Variants in PIK3C2G observed in about 807,000 individuals in gnomAD.
PIK3C2G encodes phosphatidylinositol 3-kinase C2 domain-containing subunit gamma.
A neutral mutation model predicts 181.1 loss-of-function variants in PIK3C2G; 168 were observed. The observed-to-expected ratio is 0.93, with a 90% CI of 0.82 to 1.05. The LOEUF (loss-of-function observed/expected upper bound fraction) is 1.05. Among genes scored for constraint, PIK3C2G ranks in the 50% least tolerant of loss-of-function variants. The pLI, the probability that PIK3C2G is intolerant of heterozygous loss-of-function variation, is 0.00. For missense variants in PIK3C2G, 1,869 were observed against 1,732.8 expected (o/e 1.08, Z -1.40); for synonymous variants, 573 against 592.2 (o/e 0.97, Z 0.47).
At chr12:18,696,084 T>A in the PIK3C2G span, 1 of 903,896 alleles carries the variant, frequency 1.1e-6, no homozygotes, top group Non-Finnish European at 1.7e-6. Flanking sequence ...GAGTTTTTCA[T>A]ACATTCATAA....
At chr12:18,710,240 T>C in the PIK3C2G span, among the ~76,000 whole-genome samples, 2 of 149,736 alleles carry the variant, frequency 1.3e-5, no homozygotes, top group African/African-American at 5.0e-5. Context: ...TGCAAGGCCT[T>C]TGAATTTTAA....
chr12:18,606,229 G>T (rs1238596483), intron 30 of PIK3C2G, among the ~76,000 whole-genome samples: 1 of 152,022 alleles, frequency 6.6e-6, no homozygotes, highest in Non-Finnish European at 1.5e-5. Flanking sequence ...TACTATTTAG[G>T]CAGTCAATCA....
chr12:18,593,076 A>G (rs909861886), intron 29 of PIK3C2G, among the ~76,000 whole-genome samples: 1 of 151,772 alleles, frequency 6.6e-6, no homozygotes, highest in Non-Finnish European at 1.5e-5. Context: ...TCTTCTTCCT[A>G]TGTCTCTTCA....
intron 16 of PIK3C2G, among the ~76,000 whole-genome samples, chr12:18,408,849 T>A (rs1944693501): frequency 1.3e-5 from 2 of 152,114 alleles, no homozygotes; most frequent in Admixed American, 1.3e-4. Flanking sequence ...CATAATGAGA[T>A]ACCATCTCAG....
intron 13 of PIK3C2G, among the ~76,000 whole-genome samples, chr12:18,379,560 C>G (rs572747905): frequency 6.6e-6 from 1 of 152,326 alleles, no homozygotes; most frequent in African/African-American, 2.4e-5. Flanking sequence ...CACCCTGGCT[C>G]TCTTCCTAAG....
intron 30 of PIK3C2G, among the ~76,000 whole-genome samples, chr12:18,606,148 G>A (rs538270421): frequency 2.0e-4 from 30 of 152,200 alleles, no homozygotes; most frequent in Middle Eastern, 3.4e-3. Flanking sequence ...GGACACTTTA[G>A]TTACTAATCT....
At chr12:18,702,081 T>C in the PIK3C2G span, among the ~76,000 whole-genome samples, 1 of 152,146 alleles carries the variant, frequency 6.6e-6, no homozygotes, top group Non-Finnish European at 1.5e-5. Flanking sequence ...AGTATATATA[T>C]ATAAATACTT....
intron 29 of PIK3C2G, among the ~76,000 whole-genome samples, chr12:18,584,780 A>G (rs1946686158): frequency 6.6e-6 from 1 of 152,090 alleles, no homozygotes; most frequent in Non-Finnish European, 1.5e-5. Context: ...AAAATATTAA[A>G]AGGAGCTAGA....
Position 18,294,019 on chromosome 12 carries a change from A to T in PIK3C2G, c.1034+4A>T. 7.4e-7 allele frequency: 1 copy of T among 1,348,890 alleles called. No individual in the cohort carries two copies. The highest frequency in any genetic ancestry group is 1.1e-6 in the Non-Finnish European group (1 of 945,400). 83.6% of individuals were successfully genotyped at this position (1,348,890 alleles called of 1,614,324 possible). A position where few individuals can be genotyped will look rare whatever the true frequency, so the allele number is the denominator to read the frequency against. ...GCTCTGAAGAATTTTTACAAAAGTA[A>T]GTATTTTATGAAATTTTGGTTGTAT... On this transcript the variant is annotated splice_donor_region_variant and intron_variant, in intron 5 of 32. Coordinates refer to ENST00000538779, the MANE Select transcript of PIK3C2G (RefSeq NM_001288772.2).
intron 6 of PIK3C2G, among the ~76,000 whole-genome samples, chr12:18,317,336 T>C (rs532894248): frequency 5.3e-5 from 8 of 152,220 alleles, no homozygotes; most frequent in East Asian, 1.9e-4. Context: ...TCAGGATTTT[T>C]TTTTTCGCAT....
intron 30 of PIK3C2G, among the ~76,000 whole-genome samples, chr12:18,603,250 T>C (rs768075248): frequency 9.9e-5 from 15 of 152,102 alleles, no homozygotes; most frequent in African/African-American, 2.7e-4. Flanking sequence ...AGCAATATAA[T>C]TGAATAAGTA....
At chr12:18,294,804 A>G (rs545585805) in intron 5 of PIK3C2G, among the ~76,000 whole-genome samples, 1 of 151,966 alleles carries the variant, frequency 6.6e-6, no homozygotes, top group Non-Finnish European at 1.5e-5. Flanking sequence ...TCCCCTTTGC[A>G]TCTCTACAAG....
intron 11 of PIK3C2G, among the ~76,000 whole-genome samples, chr12:18,361,935 G>A (rs1941268400): frequency 6.6e-6 from 1 of 151,928 alleles, no homozygotes; most frequent in Non-Finnish European, 1.5e-5. Flanking sequence ...TTTGTCCACT[G>A]TACCATAGGA....
chr12:18,266,474 T>C (rs1948504349), intron 1 of PIK3C2G, among the ~76,000 whole-genome samples: 1 of 152,174 alleles, frequency 6.6e-6, no homozygotes, highest in Non-Finnish European at 1.5e-5. Flanking sequence ...TTAAAATATA[T>C]TTGCAATCAT....
At chr12:18,682,737 G>A in the PIK3C2G span, among the ~76,000 whole-genome samples, 352 of 152,032 alleles carry the variant, frequency 2.3e-3, 1 homozygote, top group African/African-American at 8.0e-3. Flanking sequence ...CAACTCCAGT[G>A]CACAGCATCT....
At chr12:18,427,402 G>A (rs1407072174) in intron 18 of PIK3C2G, among the ~76,000 whole-genome samples, 2 of 150,528 alleles carry the variant, frequency 1.3e-5, no homozygotes, top group African/African-American at 4.9e-5. Context: ...AGCTACTCAG[G>A]AGGCTGAGGC....
intron 26 of PIK3C2G, among the ~76,000 whole-genome samples, chr12:18,548,099 G>C (rs1319827242): frequency 6.6e-6 from 1 of 151,966 alleles, no homozygotes; most frequent in Non-Finnish European, 1.5e-5. Context: ...ATGCAGGTGG[G>C]TTTACGTGGT....
chr12:18,335,049 G>T (rs552607248), intron 8 of PIK3C2G, among the ~76,000 whole-genome samples: 1 of 152,078 alleles, frequency 6.6e-6, no homozygotes, highest in African/African-American at 2.4e-5. Flanking sequence ...GCACAGACGA[G>T]GGTTCAGTTC....
intron 12 of PIK3C2G, among the ~76,000 whole-genome samples, chr12:18,368,548 T>C (rs1156605850): frequency 3.3e-5 from 5 of 152,214 alleles, no homozygotes; most frequent in African/African-American, 4.8e-5. Context: ...CCCTAAACTA[T>C]ACTAATTATT....
Sources: gnomAD v4.1 joint callset for allele counts (sites outside exome capture counted in the v4.1 genomes callset) on GRCh38, gnomAD v4.1.1 for gene constraint, MANE v1.5 for transcripts, NCBI Gene and HGNC (gene_info 2026-07-23, HGNC 2026-07-21) for gene names.